Variants in THSD7A observed in about 807,000 individuals in gnomAD.
THSD7A encodes thrombospondin type 1 domain containing 7A, also known as thrombospondin type-1 domain-containing protein 7A.
Under a neutral mutation model 231.3 loss-of-function variants are expected in THSD7A, and 96 were observed. The observed-to-expected ratio is 0.41, with a 90% CI of 0.35 to 0.49. The LOEUF is 0.49. THSD7A is among the 20% of genes least tolerant of loss of function. The pLI, the probability that THSD7A is intolerant of heterozygous loss-of-function variation, is 0.05. For missense variants in THSD7A, 2,290 were observed against 2,070.2 expected, an observed-to-expected ratio of 1.11 and a Z score of -2.06; for synonymous variants, 940 against 743.3, an observed-to-expected ratio of 1.26 and a Z score of -4.30.
At chr7:11,623,490 C>T (rs529183937) in intron 2 of THSD7A, among the ~76,000 whole-genome samples, 1 of 152,118 alleles carries the variant, frequency 6.6e-6, no homozygotes, top group Non-Finnish European at 1.5e-5. Flanking sequence ...AATTGCCATG[C>T]CACACTCTCA....
chr7:11,671,401 G>A (rs892610799), intron 1 of THSD7A, among the ~76,000 whole-genome samples: 1 of 152,096 alleles, frequency 6.6e-6, no homozygotes, highest in African/African-American at 2.4e-5. Flanking sequence ...TATTTAAATG[G>A]TAGGCATAGC....
chr7:11,779,201 T>G (rs925896748), intron 1 of THSD7A, among the ~76,000 whole-genome samples: 3 of 152,198 alleles, frequency 2.0e-5, no homozygotes, highest in Admixed American at 2.0e-4. Flanking sequence ...GAGTATTTAC[T>G]TCATCAATTC....
intron 1 of THSD7A, among the ~76,000 whole-genome samples, chr7:11,668,181 T>C (rs192633476): frequency 2.0e-5 from 3 of 152,222 alleles, no homozygotes; most frequent in Non-Finnish European, 4.4e-5. Context: ...ACAGCTGTAA[T>C]TGGGAGGCCT....
At chr7:11,676,131 G>A (rs1005162985) in intron 1 of THSD7A, among the ~76,000 whole-genome samples, 2 of 152,176 alleles carry the variant, frequency 1.3e-5, no homozygotes, top group Non-Finnish European at 2.9e-5. Flanking sequence ...ACAGGGTCTG[G>A]AGTGGACCTC....
intron 5 of THSD7A, among the ~76,000 whole-genome samples, chr7:11,542,728 T>C (rs1789205519): frequency 6.6e-6 from 1 of 152,194 alleles, no homozygotes; most frequent in Admixed American, 6.5e-5. Context: ...CACTAAACTG[T>C]CTCAGATCCT....
chr7:11,656,061 C>G (rs1489258180), intron 1 of THSD7A, among the ~76,000 whole-genome samples: 1 of 151,842 alleles, frequency 6.6e-6, no homozygotes, highest in Non-Finnish European at 1.5e-5. Flanking sequence ...GTCACGTATT[C>G]AGTTATCACA....
At chr7:11,791,293 C>T (rs1783945695) in intron 1 of THSD7A, among the ~76,000 whole-genome samples, 1 of 151,966 alleles carries the variant, frequency 6.6e-6, no homozygotes, top group African/African-American at 2.4e-5. Flanking sequence ...AGCCCTTCAT[C>T]CAATTTACTT....
At chr7:11,774,311 G>A (rs78232522) in intron 1 of THSD7A, among the ~76,000 whole-genome samples, 3,245 of 152,250 alleles carry the variant, frequency 0.021, 119 homozygotes, top group African/African-American at 0.074. Flanking sequence ...CAGGCAATAG[G>A]ATGATGGTTG....
intron 1 of THSD7A, among the ~76,000 whole-genome samples, chr7:11,698,033 T>C (rs1780455184): frequency 4.6e-5 from 7 of 151,480 alleles, no homozygotes; most frequent in Admixed American, 4.0e-4. Context: ...ATAATTATAA[T>C]CATTATATTA....
At chr7:11,530,209 G>T (rs960458725) in intron 6 of THSD7A, among the ~76,000 whole-genome samples, 1 of 152,058 alleles carries the variant, frequency 6.6e-6, no homozygotes, top group African/African-American at 2.4e-5. Flanking sequence ...TGAAAATACA[G>T]GAGCTATTTT....
chr7:11,551,665 G>A (rs1373083148), intron 4 of THSD7A, among the ~76,000 whole-genome samples: 1 of 152,022 alleles, frequency 6.6e-6, no homozygotes, highest in African/African-American at 2.4e-5. Context: ...ACACCAGTCA[G>A]AATGGCTACT....
intron 1 of THSD7A, among the ~76,000 whole-genome samples, chr7:11,829,516 T>C: frequency 6.6e-6 from 1 of 152,166 alleles, no homozygotes; most frequent in Non-Finnish European, 1.5e-5. Flanking sequence ...CAACTTTCAC[T>C]ACATCATTTT....
At chr7:11,482,595 C>A (rs901950757) in intron 6 of THSD7A, among the ~76,000 whole-genome samples, 1 of 152,154 alleles carries the variant, frequency 6.6e-6, no homozygotes, top group East Asian at 1.9e-4. Flanking sequence ...GGGAGGGAAA[C>A]AATAGAAAAC....
chr7:11,383,897 A>G (rs912286718), intron 23 of THSD7A: 1 of 151,984 alleles, frequency 6.6e-6, no homozygotes, highest in Non-Finnish European at 1.5e-5. Flanking sequence ...CCTCTTTGCA[A>G]CTACAATCTG....
At chr7:11,503,310 C>T (rs1787414571) in intron 6 of THSD7A, among the ~76,000 whole-genome samples, 2 of 152,122 alleles carry the variant, frequency 1.3e-5, no homozygotes, top group Non-Finnish European at 2.9e-5. Flanking sequence ...CAAAAATCAA[C>T]TCAACATGGA....
At chr7:11,437,603 T>C (rs553594675) in intron 13 of THSD7A, among the ~76,000 whole-genome samples, 1 of 152,228 alleles carries the variant, frequency 6.6e-6, no homozygotes, top group South Asian at 2.1e-4. Flanking sequence ...CATTAGACAT[T>C]AAATAAATTC....
At chr7:11,375,915 G>A in intron 27 of THSD7A, 37 bp from the exon 28 acceptor site, 1 of 1,583,204 alleles carries the variant, frequency 6.3e-7, no homozygotes, top group South Asian at 1.1e-5. Context: ...AAGAAAATCA[G>A]TTTCTAATTG....
At chr7:11,765,442 T>C (rs1486294727) in intron 1 of THSD7A, among the ~76,000 whole-genome samples, 1 of 152,232 alleles carries the variant, frequency 6.6e-6, no homozygotes, top group African/African-American at 2.4e-5. Flanking sequence ...ACCAGGTGCC[T>C]ATGAAGAATA....
chr7:11,441,148 AGGT>A (rs1784791341), intron 13 of THSD7A, among the ~76,000 whole-genome samples: 1 of 152,102 alleles, frequency 6.6e-6, no homozygotes, highest in African/African-American at 2.4e-5. Flanking sequence ...CTACTGTTCT[AGGT>A]ACTTAGGATA....
Sources: gnomAD v4.1 joint callset for allele counts (sites outside exome capture counted in the v4.1 genomes callset) on GRCh38, gnomAD v4.1.1 for gene constraint, MANE v1.5 for transcripts, NCBI Gene and HGNC (gene_info 2026-07-23, HGNC 2026-07-21) for gene names.